Variants in OPCML observed in about 807,000 individuals in gnomAD.
OPCML encodes the protein opioid-binding protein/cell adhesion molecule.
Under a neutral mutation model 37.8 loss-of-function variants are expected in OPCML, and 13 were observed. That is an observed-to-expected ratio of 0.34 (90% CI 0.22 to 0.55). The LOEUF (loss-of-function observed/expected upper bound fraction) is 0.55, where lower values mean the gene tolerates loss of function less well. Among genes scored for constraint, OPCML ranks in the 20% least tolerant of loss-of-function variants. The probability of loss-of-function intolerance (pLI) is 0.91; values close to 1 mark genes in which losing one functional copy is unlikely to be tolerated. For synonymous variants in OPCML, 176 were observed against 168.8 expected (o/e 1.04, Z -0.33); for missense variants, 341 against 435.6 (o/e 0.78, Z 1.93).
At chr11:133,008,306 G>A (rs2136867412) in intron 1 of OPCML, 1 of 985,360 alleles carries the variant, frequency 1.0e-6, no homozygotes, top group Non-Finnish European at 1.2e-6. Flanking sequence ...CATAACTACT[G>A]CCTGGTAAAC....
At chr11:132,421,595 C>A (rs2095959355) in intron 7 of OPCML, among the ~76,000 whole-genome samples, 1 of 152,214 alleles carries the variant, frequency 6.6e-6, no homozygotes, top group Non-Finnish European at 1.5e-5. Flanking sequence ...CTAATCTTAA[C>A]ATGAATACCT....
intron 1 of OPCML, among the ~76,000 whole-genome samples, chr11:133,322,794 G>T (rs1056456089): frequency 2.6e-5 from 4 of 152,082 alleles, no homozygotes; most frequent in African/African-American, 9.7e-5. Flanking sequence ...CCAGTTTTTA[G>T]TTCAAGCTGT....
intron 2 of OPCML, among the ~76,000 whole-genome samples, chr11:132,705,886 C>T (rs1944013293): frequency 6.6e-6 from 1 of 152,170 alleles, no homozygotes; most frequent in Admixed American, 6.5e-5. Flanking sequence ...CGGCCCACTG[C>T]AACCTCCACC....
intron 2 of OPCML, among the ~76,000 whole-genome samples, chr11:132,789,521 A>G (rs1283315590): frequency 6.6e-6 from 1 of 152,240 alleles, no homozygotes; most frequent in Non-Finnish European, 1.5e-5. Flanking sequence ...AGAATTAGAT[A>G]CTGACATCAG....
intron 2 of OPCML, among the ~76,000 whole-genome samples, chr11:132,908,789 T>C (rs960815068): frequency 2.0e-5 from 3 of 152,244 alleles, no homozygotes; most frequent in Non-Finnish European, 4.4e-5. Context: ...TAATAAGTGA[T>C]GATAGAGGAG....
intron 3 of OPCML, among the ~76,000 whole-genome samples, chr11:132,641,162 C>T (rs1347263956): frequency 6.6e-6 from 1 of 152,156 alleles, no homozygotes; most frequent in African/African-American, 2.4e-5. Context: ...CTAAGGCTCA[C>T]CTTACTCAGG....
chr11:132,730,374 A>C (rs1945036442), intron 2 of OPCML, among the ~76,000 whole-genome samples: 1 of 152,218 alleles, frequency 6.6e-6, no homozygotes, highest in South Asian at 2.1e-4. Flanking sequence ...CACAACAAGT[A>C]ATCTTCTCTT....
At chr11:132,692,769 A>T (rs993534630) in intron 2 of OPCML, among the ~76,000 whole-genome samples, 1 of 152,208 alleles carries the variant, frequency 6.6e-6, no homozygotes, top group Non-Finnish European at 1.5e-5. Flanking sequence ...CATCACCAAC[A>T]TTTATGTGCA....
chr11:132,540,201 G>A (rs2096352660), intron 3 of OPCML, among the ~76,000 whole-genome samples: 1 of 152,160 alleles, frequency 6.6e-6, no homozygotes, highest in African/African-American at 2.4e-5. Context: ...AGAGCTTGGT[G>A]AATGGCAGGA....
intron 2 of OPCML, among the ~76,000 whole-genome samples, chr11:132,683,141 G>A (rs767068809): frequency 6.6e-6 from 1 of 152,184 alleles, no homozygotes; most frequent in African/African-American, 2.4e-5. Flanking sequence ...AAGACCGAGT[G>A]TGGTGGCTCA....
chr11:133,013,741 C>G (rs1239131318), intron 1 of OPCML, among the ~76,000 whole-genome samples: 2 of 152,152 alleles, frequency 1.3e-5, no homozygotes, highest in African/African-American at 4.8e-5. Context: ...ACTGAATCCT[C>G]AAGGTGGGAT....
chr11:133,433,264 A>AG (rs1341556274), intron 1 of OPCML, among the ~76,000 whole-genome samples: 1 of 150,692 alleles, frequency 6.6e-6, no homozygotes, highest in East Asian at 1.9e-4. Flanking sequence ...AAAAAAAAAA[A>AG]AAAAAATATT....
intron 2 of OPCML, among the ~76,000 whole-genome samples, chr11:132,846,183 T>C (rs561883287): frequency 6.6e-6 from 1 of 152,296 alleles, no homozygotes; most frequent in South Asian, 2.1e-4. Flanking sequence ...GAGAACTCCC[T>C]GGAAATAGTG....
chr11:133,526,616 A>G (rs551103935), intron 1 of OPCML, among the ~76,000 whole-genome samples: 1 of 152,318 alleles, frequency 6.6e-6, no homozygotes, highest in African/African-American at 2.4e-5. Flanking sequence ...TGAGCCATAC[A>G]AATACCACCA....
intron 1 of OPCML, among the ~76,000 whole-genome samples, chr11:133,151,422 G>A (rs896298041): frequency 6.7e-6 from 1 of 150,322 alleles, no homozygotes; most frequent in African/African-American, 2.5e-5. Context: ...CAGGAAGATG[G>A]GGGAGGAAGG....
chr11:133,238,832 C>T (rs1015212618), intron 1 of OPCML, among the ~76,000 whole-genome samples: 6 of 152,204 alleles, frequency 3.9e-5, no homozygotes, highest in East Asian at 3.9e-4. Context: ...AGATGAAATG[C>T]GCTACATAAA....
At chr11:133,008,450 T>C (rs1947154133) in intron 1 of OPCML, 2 of 983,162 alleles carry the variant, frequency 2.0e-6, no homozygotes, top group Non-Finnish European at 2.4e-6. Flanking sequence ...TTGTGGTAGA[T>C]GCCATGATGC....
chr11:133,105,522 T>C (rs1385304175), intron 1 of OPCML, among the ~76,000 whole-genome samples: 2 of 152,174 alleles, frequency 1.3e-5, no homozygotes, highest in Non-Finnish European at 2.9e-5. Flanking sequence ...TTAGAGAGAC[T>C]TGCCAAGGTT....
intron 1 of OPCML, among the ~76,000 whole-genome samples, chr11:133,251,777 A>T (rs948919730): frequency 9.2e-5 from 14 of 152,228 alleles, no homozygotes; most frequent in African/African-American, 2.2e-4. Context: ...CCTCCTCAAC[A>T]TGAAGGCAGA....
Sources: gnomAD v4.1 joint callset for allele counts (sites outside exome capture counted in the v4.1 genomes callset) on GRCh38, gnomAD v4.1.1 for gene constraint, MANE v1.5 for transcripts, NCBI Gene and HGNC (gene_info 2026-07-23, HGNC 2026-07-21) for gene names.